GAP43: variants seen among roughly 807,000 people sequenced by gnomAD.
GAP43 encodes neuromodulin.
In GAP43, 6 loss-of-function variants were observed where a neutral mutation model predicts 18.6. The ratio of observed to expected loss-of-function variants is 0.32; its 90% CI spans 0.18 to 0.64. The LOEUF is 0.64. Ranked by LOEUF, GAP43 falls within the 30% of genes least tolerant of loss-of-function variation. The pLI is 0.78. For synonymous variants in GAP43, 115 were observed against 111.4 expected (o/e 1.03, Z -0.20); for missense variants, 292 against 295.5 (o/e 0.99, Z 0.09).
chr3:115,698,439 C>A (rs1709253075), intron 2 of GAP43, among the ~76,000 whole-genome samples: 1 of 146,370 alleles, frequency 6.8e-6, no homozygotes, highest in Non-Finnish European at 1.5e-5. Context: ...CCAATAAAAC[C>A]AGTAGGTCTT....
chr3:115,649,401 G>A (rs565475691), intron 1 of GAP43, among the ~76,000 whole-genome samples: 1 of 152,218 alleles, frequency 6.6e-6, no homozygotes, highest in East Asian at 1.9e-4. Flanking sequence ...AACCATAACA[G>A]TGTCGAATGG....
Position 115,670,085 on chromosome 3 carries a change from C to T in GAP43, c.31-5928C>T, listed in dbSNP as rs374354381. Among the ~76,000 whole-genome samples the T allele has an allele frequency of 5.4e-4, 72 of 132,408 alleles. 1 individual carries two copies. The South Asian group carries it at 0.017, about 32-fold the overall frequency. The allele number at this position is 132,408 out of a possible 152,430, so 86.9% of individuals were successfully genotyped here. On this transcript the variant is annotated intron_variant, in intron 1 of 2. Coordinates refer to ENST00000305124, the MANE Select transcript of GAP43 (RefSeq NM_002045.4). ...TATGTATACATGTGCCATGCTGGTG[C>T]GCTGCACCCACTAACGTGTCATCTA... is the stretch of plus-strand genomic sequence containing the variant.
intron 2 of GAP43, among the ~76,000 whole-genome samples, chr3:115,678,916 T>C (rs1324349464): frequency 6.6e-6 from 1 of 150,598 alleles, no homozygotes; most frequent in Non-Finnish European, 1.5e-5. Context: ...CCTGCTCTTA[T>C]GTGACAAGCA....
chr3:115,633,859 G>T (rs1708295365), intron 1 of GAP43, among the ~76,000 whole-genome samples: 1 of 152,144 alleles, frequency 6.6e-6, no homozygotes, highest in Non-Finnish European at 1.5e-5. Context: ...AAAAAGATTG[G>T]ACAATAATGG....
intron 2 of GAP43, among the ~76,000 whole-genome samples, chr3:115,676,866 A>C (rs1414270183): frequency 6.6e-6 from 1 of 152,232 alleles, no homozygotes; most frequent in Admixed American, 6.5e-5. Flanking sequence ...AGATCTGGCA[A>C]TTACCTTAAT....
chr3:115,677,807 T>G (rs1708912483), intron 2 of GAP43, among the ~76,000 whole-genome samples: 1 of 152,230 alleles, frequency 6.6e-6, no homozygotes, highest in African/African-American at 2.4e-5. Flanking sequence ...TTTTGGCATC[T>G]GACCATCAGA....
chr3:115,696,679 ACT>A (rs917098747), intron 2 of GAP43, among the ~76,000 whole-genome samples: 3 of 145,178 alleles, frequency 2.1e-5, no homozygotes, highest in Non-Finnish European at 3.0e-5. Flanking sequence ...TATAGAGTTC[ACT>A]CTCTAACCAT....
At chr3:115,628,428 C>T (rs1314514344) in intron 1 of GAP43, among the ~76,000 whole-genome samples, 1 of 152,052 alleles carries the variant, frequency 6.6e-6, no homozygotes, top group East Asian at 1.9e-4. Flanking sequence ...GAACAAAGTT[C>T]CAAGTACTCT....
rs937230681 is a variant in GAP43 at position 115,663,539 on chromosome 3, T to C, written c.31-12474T>C. 5.5e-6 allele frequency: 7 copies of C among 1,266,584 alleles called. No homozygotes were observed. In the Admixed American group the frequency reaches 2.7e-4, roughly 50 times the overall value. The allele number at this position is 1,266,584 out of a possible 1,614,324, so 78.5% of individuals were successfully genotyped here. On this transcript the variant is annotated intron_variant, in intron 1 of 2. Coordinates refer to ENST00000305124, the MANE Select transcript of GAP43 (RefSeq NM_002045.4). ...CTTTCAGAATTAAAAGGGAACCTGG[T>C]CTCTGGGTTGTTTTCAACATCTCAA...
intron 2 of GAP43, among the ~76,000 whole-genome samples, chr3:115,717,236 A>T (rs1709520099): frequency 6.6e-6 from 1 of 152,070 alleles, no homozygotes; most frequent in African/African-American, 2.4e-5. Context: ...GTTACCCTTG[A>T]AGAGTTTATG....
chr3:115,679,004 G>A (rs910099791), intron 2 of GAP43, among the ~76,000 whole-genome samples: 1 of 151,558 alleles, frequency 6.6e-6, no homozygotes, highest in Non-Finnish European at 1.5e-5. Context: ...ATCATATCAG[G>A]TCCAAATTCC....
chr3:115,658,721 C>T (rs543208662), intron 1 of GAP43: 1 of 152,368 alleles, frequency 6.6e-6, no homozygotes, highest in South Asian at 2.1e-4. Context: ...CCCCGAACAC[C>T]CGGGAGTTCG....
At position 115,661,831 on chromosome 3, in the gene GAP43, C is replaced by CTTTTTTTTTTTTTTTTTTTTTTTTT. The variant is rs56209932; in HGVS notation, c.31-14168_31-14167insTTTTTTTTTTTTTTTTTTTTTTTTT. On this transcript the variant is annotated intron_variant, in intron 1 of 2. Coordinates refer to ENST00000305124, the MANE Select transcript of GAP43 (RefSeq NM_002045.4). ...AGTTTGGCTTGGGGAGAAACTAGGG[C>CTTTTTTTTTTTTTTTTTTTTTTTTT]TTTTTTTTTTTTTTACCTGGGAGCT... Among the ~76,000 whole-genome samples the CTTTTTTTTTTTTTTTTTTTTTTTTT allele has an allele frequency of 7.6e-4, 81 of 105,930 alleles. 10 individuals carry two copies. Among genetic ancestry groups the CTTTTTTTTTTTTTTTTTTTTTTTTT allele is most frequent in the African/African-American group, 3.2e-3 (78 of 24,540 alleles). 69.5% of individuals were successfully genotyped at this position (105,930 alleles called of 152,430 possible). A position where few individuals can be genotyped will look rare whatever the true frequency, so the allele number is the denominator to read the frequency against.
intron 1 of GAP43, among the ~76,000 whole-genome samples, chr3:115,661,751 G>A (rs1227655439): frequency 2.7e-5 from 4 of 150,800 alleles, no homozygotes; most frequent in Non-Finnish European, 4.4e-5. Context: ...GCCTCCCAAA[G>A]TGCTGGGATT....
chr3:115,718,047 T>C (rs1391988596), intron 2 of GAP43, among the ~76,000 whole-genome samples: 1 of 152,206 alleles, frequency 6.6e-6, no homozygotes, highest in African/African-American at 2.4e-5. Context: ...TCAACAAACA[T>C]GCAATTCTCA....
At chr3:115,642,637 G>A (rs1369643643) in intron 1 of GAP43, among the ~76,000 whole-genome samples, 1 of 151,880 alleles carries the variant, frequency 6.6e-6, no homozygotes, top group East Asian at 1.9e-4. Flanking sequence ...GGAGGTTTGG[G>A]GGATAAATTT....
chr3:115,694,718 T>C (rs1041072021), intron 2 of GAP43, among the ~76,000 whole-genome samples: 3 of 152,240 alleles, frequency 2.0e-5, no homozygotes, highest in African/African-American at 7.2e-5. Context: ...AATTATTTTT[T>C]ATTTTTCAAC....
In GAP43 at chr3:115,716,717, A is replaced by ATATATATATATAT. The variant is rs1709507824; in HGVS notation, c.629-4077_629-4076insTATATATATATAT. Reference sequence around the variant, plus strand: ...TAAAAAATTACTTTAATCTCAGACAAATATATATATATATATATATATATA... The same window carrying ATATATATATATAT: ...TAAAAAATTACTTTAATCTCAGACAATATATATATATATATATATATATATATATATATATATA... On this transcript the variant is annotated intron_variant, in intron 2 of 2. Coordinates refer to ENST00000305124, the MANE Select transcript of GAP43 (RefSeq NM_002045.4). Among the ~76,000 whole-genome samples the ATATATATATATAT allele has an allele frequency of 6.8e-5, 3 of 43,894 alleles. 1 individual carries two copies. Among genetic ancestry groups the ATATATATATATAT allele is most frequent in the African/African-American group, 1.5e-4 (2 of 13,312 alleles). 28.8% of individuals were successfully genotyped at this position (43,894 alleles called of 152,430 possible). A position where few individuals can be genotyped will look rare whatever the true frequency, so the allele number is the denominator to read the frequency against.
At chr3:115,639,570 T>G (rs1266774960) in intron 1 of GAP43, among the ~76,000 whole-genome samples, 1 of 152,120 alleles carries the variant, frequency 6.6e-6, no homozygotes, top group Admixed American at 6.6e-5. Flanking sequence ...TCTTACCTTC[T>G]CTAGTTAAAA....
Sources: gnomAD v4.1 joint callset for allele counts (sites outside exome capture counted in the v4.1 genomes callset) on GRCh38, gnomAD v4.1.1 for gene constraint, MANE v1.5 for transcripts, NCBI Gene and HGNC (gene_info 2026-07-23, HGNC 2026-07-21) for gene names.